The following ADAM19 variants were observed in gnomAD, a reference collection of about 807,000 sequenced individuals.
ADAM19 encodes ADAM metallopeptidase domain 19.
In ADAM19, 65 loss-of-function variants were observed where a neutral mutation model predicts 114.7. That is an observed-to-expected ratio of 0.57 (90% CI 0.46 to 0.70). The LOEUF (loss-of-function observed/expected upper bound fraction) is 0.70, where lower values mean the gene tolerates loss of function less well. Among genes scored for constraint, ADAM19 ranks in the 30% least tolerant of loss-of-function variants. The pLI, the probability that ADAM19 is intolerant of heterozygous loss-of-function variation, is 0.00. For missense variants in ADAM19, 1,063 were observed against 1,204.7 expected (o/e 0.88, Z 1.74); for synonymous variants, 466 against 460.5 (o/e 1.01, Z -0.15).
chr5:157,510,664 G>A (rs1387991471), intron 8 of ADAM19, among the ~76,000 whole-genome samples: 1 of 152,136 alleles, frequency 6.6e-6, no homozygotes. Context: ...GGTTTTGTGT[G>A]TCTGGCTTCT....
chr5:157,545,781 T>A (rs1757032290), intron 3 of ADAM19, among the ~76,000 whole-genome samples: 1 of 152,186 alleles, frequency 6.6e-6, no homozygotes, highest in South Asian at 2.1e-4. Flanking sequence ...AGTTGGGCCA[T>A]CCAGACACAC....
At chr5:157,517,811 T>G (rs1756136326) in intron 7 of ADAM19, among the ~76,000 whole-genome samples, 1 of 152,220 alleles carries the variant, frequency 6.6e-6, no homozygotes, top group South Asian at 2.1e-4. Context: ...ACCTGTCTGA[T>G]TTGAGGAACA....
intron 13 of ADAM19, among the ~76,000 whole-genome samples, chr5:157,499,098 A>G (rs919862968): frequency 3.9e-5 from 6 of 152,202 alleles, no homozygotes; most frequent in Non-Finnish European, 8.8e-5. Context: ...GATTCCAGAT[A>G]AACCTCTTAT....
At chr5:157,548,344 A>G (rs988459690) in intron 3 of ADAM19, among the ~76,000 whole-genome samples, 3 of 152,206 alleles carry the variant, frequency 2.0e-5, no homozygotes, top group Non-Finnish European at 2.9e-5. Context: ...TCTGATCACC[A>G]TTGATTCTCC....
intron 3 of ADAM19, among the ~76,000 whole-genome samples, chr5:157,538,236 T>C (rs113526224): frequency 4.6e-5 from 7 of 152,344 alleles, no homozygotes; most frequent in African/African-American, 7.2e-5. Flanking sequence ...CTAGATGGAA[T>C]TGACAGAACT....
At chr5:157,481,271 A>T (rs1445046031) in intron 22 of ADAM19, 2 of 578,424 alleles carry the variant, frequency 3.5e-6, no homozygotes, top group African/African-American at 3.7e-5. Flanking sequence ...AGTTTTCTCA[A>T]TGCCTCGTGG....
intron 21 of ADAM19, among the ~76,000 whole-genome samples, chr5:157,483,288 G>A (rs949880959): frequency 2.0e-5 from 3 of 152,056 alleles, no homozygotes; most frequent in African/African-American, 7.2e-5. Context: ...ATTTGCACAC[G>A]TGCACAAAAA....
rs550637573 is a variant in ADAM19 at position 157,521,544 on chromosome 5, G to A, written c.408-1513C>T. 7.2e-5 allele frequency among the ~76,000 whole-genome samples: 11 copies of A among 152,272 alleles called. No homozygotes were observed. The East Asian group carries it at 1.9e-3, about 27-fold the overall frequency. ...CTGTGATGCTCTCTGGAAAATCAGC[G>A]CCAGGCTCTGATGGGCAGCAGCCTT... is the stretch of plus-strand genomic sequence containing the variant. On this transcript the variant is annotated intron_variant, in intron 5 of 22. Coordinates refer to ENST00000257527, the MANE Select transcript of ADAM19 (RefSeq NM_033274.5).
intron 2 of ADAM19, chr5:157,568,907 T>TA (rs1484936547): frequency 6.6e-6 from 1 of 152,142 alleles, no homozygotes; most frequent in Admixed American, 6.5e-5. Flanking sequence ...CAATGACCCA[T>TA]ATGCTGGGCA....
At chr5:157,550,126 G>A (rs1757149297) in intron 3 of ADAM19, among the ~76,000 whole-genome samples, 1 of 152,112 alleles carries the variant, frequency 6.6e-6, no homozygotes, top group South Asian at 2.1e-4. Flanking sequence ...TCCTTTTCTA[G>A]GACTACCGTA....
intron 4 of ADAM19, among the ~76,000 whole-genome samples, chr5:157,535,136 G>C (rs6866363): frequency 0.56 from 85,430 of 152,178 alleles, 25,406 homozygotes; most frequent in African/African-American, 0.75. Context: ...ATCAGCATAT[G>C]CAATTTGCAA....
At chr5:157,511,179 T>TTAATAAA (rs1755909084) in intron 8 of ADAM19, among the ~76,000 whole-genome samples, 1 of 152,224 alleles carries the variant, frequency 6.6e-6, no homozygotes, top group Non-Finnish European at 1.5e-5. Flanking sequence ...CTACAAATAC[T>TTAATAAA]GAGCCAGTGA....
In ADAM19 at chr5:157,480,426, G is replaced by T; in HGVS notation, c.*523C>A. ...GAAGCCGTTCCCTCAACCAAGCCCTGGGCAGGGCCACAGCAGTGGCTGGCT... is the reference window on the plus strand; with the variant it reads ...GAAGCCGTTCCCTCAACCAAGCCCTTGGCAGGGCCACAGCAGTGGCTGGCT... On this transcript the variant is annotated 3_prime_UTR_variant, in exon 23 of 23. Coordinates refer to ENST00000257527, the MANE Select transcript of ADAM19 (RefSeq NM_033274.5). 1.0e-6 allele frequency: 1 copy of T among 989,844 alleles called. No homozygotes were observed. The allele number at this position is 989,844 out of a possible 1,614,324, so 61.3% of individuals were successfully genotyped here. A position where few individuals can be genotyped will look rare whatever the true frequency, so the allele number is the denominator to read the frequency against.
Position 157,518,808 on chromosome 5 carries a change from T to C in ADAM19, c.666+15A>G. ...GAGAGCAGTTTTTCTGCAAGACCCA[T>C]TGCCTCCCCCTTACCTCTAAATAAT... On this transcript the variant is annotated intron_variant, in intron 7 of 22. Transcript: ENST00000257527. 1 of 1,609,184 alleles carries C rather than the reference T, an allele frequency of 6.2e-7. No homozygotes were observed. Among genetic ancestry groups the C allele is most frequent in the South Asian group, 1.1e-5 (1 of 90,988 alleles).
Position 157,519,955 on chromosome 5 carries a change from A to G in ADAM19, c.484T>C (p.Tyr162His). 6.2e-7 allele frequency: 1 copy of G among 1,614,108 alleles called. No individual in the cohort carries two copies. Among genetic ancestry groups the G allele is most frequent in the East Asian group, 2.2e-5 (1 of 44,878 alleles). Residue 162 changes from tyrosine to histidine, a missense_variant, in exon 6 of 23, where the codon TAC becomes CAC. By Grantham distance (83) the Tyr-to-His change is moderately conservative. Around this residue, in one of 3 missense-constraint regions of ADAM19, gnomAD observed 615 missense variants for 706.3 expected, o/e 0.87. Transcript: ENST00000257527. ...LPDSKGQHLI[Y>H]RSEHLKPPPG... ...GGCGGCTTGAGATGTTCAGATCTGT[A>G]AATAAGGTGTTGGCCCTTGCTGTCA...
At chr5:157,486,576 G>A (rs1267519447) in intron 21 of ADAM19, among the ~76,000 whole-genome samples, 1 of 152,122 alleles carries the variant, frequency 6.6e-6, no homozygotes, top group East Asian at 1.9e-4. Flanking sequence ...CTACGGCTCA[G>A]CACCTAGGGG....
intron 5 of ADAM19, among the ~76,000 whole-genome samples, chr5:157,530,191 C>A (rs1756585290): frequency 6.6e-6 from 1 of 151,610 alleles, no homozygotes; most frequent in Admixed American, 6.6e-5. Flanking sequence ...TGCAAGCCAA[C>A]CAATCCAGAG....
At chr5:157,547,233 T>A (rs1757073492) in intron 3 of ADAM19, among the ~76,000 whole-genome samples, 1 of 152,060 alleles carries the variant, frequency 6.6e-6, no homozygotes, top group African/African-American at 2.4e-5. Context: ...AACCTAAAGA[T>A]CCAAGGAAAG....
intron 15 of ADAM19, among the ~76,000 whole-genome samples, chr5:157,494,173 T>G (rs961643200): frequency 2.0e-5 from 3 of 151,674 alleles, no homozygotes; most frequent in Non-Finnish European, 4.4e-5. Flanking sequence ...GACAGATGGA[T>G]GGATGGATGG....
Sources: gnomAD v4.1 joint callset for allele counts (sites outside exome capture counted in the v4.1 genomes callset) on GRCh38, gnomAD v4.1.1 for gene constraint, gnomAD v4.1.1 regional missense constraint, MANE v1.5 for transcripts, NCBI Gene and HGNC (gene_info 2026-07-23, HGNC 2026-07-21) for gene names.